Variants in SST observed in about 807,000 individuals in gnomAD.
SST encodes the protein growth hormone release-inhibiting factor.
A neutral mutation model predicts 10.4 loss-of-function variants in SST; 7 were observed. The observed-to-expected ratio is 0.67, with a 90% CI of 0.38 to 1.26. The LOEUF (loss-of-function observed/expected upper bound fraction) is 1.26. SST is among the 50% of genes most tolerant of loss of function. The probability of loss-of-function intolerance (pLI) is 0.02; values close to 1 mark genes in which losing one functional copy is unlikely to be tolerated. For missense variants in SST, 145 were observed against 140.8 expected (o/e 1.03, Z -0.15); for synonymous variants, 63 against 63.9 (o/e 0.99, Z 0.07).
At chr3:187,670,024 G>T (rs1278188585) in intron 1 of SST, 130 bp downstream of exon 1, 14 of 986,720 alleles carry the variant, frequency 1.4e-5, no homozygotes, top group Non-Finnish European at 2.0e-5. Context: ...AGCTTCGGGA[G>T]CTGAGGGACC....
Position 187,669,225 on chromosome 3 carries a change from T to C in SST, c.191A>G (p.Glu64Gly). Residue 64 changes from glutamate (E) to glycine (G), a missense_variant, in exon 2 of 2, where the codon GAG becomes GGG. Physicochemically the swap from Glu to Gly is moderately conservative, Grantham distance 98 (BLOSUM62 -2). Coordinates refer to ENST00000287641, the MANE Select transcript of SST (RefSeq NM_001048.4). ...AELLSEPNQT[E>G]NDALEPEDLS... is the part of the protein sequence containing the mutation. ...ATCTTCAGGTTCCAGGGCATCATTCTCCGTCTGGTTGGGTTCAGACAGCAG... is the reference window on the plus strand; with the variant it reads ...ATCTTCAGGTTCCAGGGCATCATTCCCCGTCTGGTTGGGTTCAGACAGCAG... 6.2e-7 allele frequency: 1 copy of C among 1,613,956 alleles called. No individual in the cohort carries two copies. The highest frequency in any genetic ancestry group is 8.5e-7 in the Non-Finnish European group (1 of 1,180,010).
rs775949412 is a variant in SST, at chr3:187,669,154, T to C, written c.262A>G (p.Arg88Gly). Residue 88 changes from arginine to glycine, a missense_variant, in exon 2 of 2, where the codon AGA becomes GGA. Coordinates refer to ENST00000287641, the MANE Select transcript of SST (RefSeq NM_001048.4). Reference sequence around the variant, plus strand: ...ATAGCCGGGTTTGAGTTAGCAGATCTCTGCAGCTCAAGCCTCATTTCATCC... The same window carrying C: ...ATAGCCGGGTTTGAGTTAGCAGATCCCTGCAGCTCAAGCCTCATTTCATCC... ...EQDEMRLELQRSANSNPAMAP... is the reference protein window; with the variant it reads ...EQDEMRLELQGSANSNPAMAP... The C allele has an allele frequency of 6.2e-7, 1 of 1,613,994 alleles. No individual in the cohort carries two copies. Among genetic ancestry groups the C allele is most frequent in the South Asian group, 1.1e-5 (1 of 91,054 alleles).
rs778436568 is a variant in SST at position 187,670,338 on chromosome 3, G to C, written c.-47C>G. ...CTGGAGAGTGGCTGGTCAAACTCTA[G>C]GCGCGGATCAGCAGGCAGCAGCGAT... On this transcript the variant is annotated 5_prime_UTR_variant, in exon 1 of 2. Transcript: ENST00000287641. 2.1e-5 allele frequency: 33 copies of C among 1,538,800 alleles called. No homozygotes were observed. Among genetic ancestry groups the C allele is most frequent in the Non-Finnish European group, 2.8e-5 (32 of 1,139,942 alleles).
chr3:187,668,984 G>A lies in SST; in HGVS notation c.*81C>T, dbSNP rs559982855. 3.1e-5 allele frequency: 40 copies of A among 1,305,566 alleles called. No individual in the cohort carries two copies. The highest frequency in any genetic ancestry group is 4.1e-5 in the Non-Finnish European group (37 of 903,182). The allele number at this position is 1,305,566 out of a possible 1,614,324, so 80.9% of individuals were successfully genotyped here. A position where few individuals can be genotyped will look rare whatever the true frequency, so the allele number is the denominator to read the frequency against. On this transcript the variant is annotated 3_prime_UTR_variant, in exon 2 of 2. Transcript: ENST00000287641. ...TTTCTAATGCAAGGGTCTCGCTGAA[G>A]ACTTGGAGGATTAGGGAAGAGAGAT...
rs1473327564 is a variant in SST, at chr3:187,670,246, C to A, written c.46G>T (p.Val16Phe). ...CCGGTGACACAGCCCAGGGCCAGGA[C>A]GATGGACAGCGCAGCCAGCGCGCAC... ...LQCALAALSI[V>F]LALGCVTGAP... The change falls in exon 1 of 2, where the codon GTC (valine) becomes TTC (phenylalanine). Residue 16 changes from valine (V) to phenylalanine (F), a missense_variant. Physicochemically the swap from Val to Phe is conservative, Grantham distance 50. Coordinates refer to ENST00000287641, the MANE Select transcript of SST (RefSeq NM_001048.4). The A allele has an allele frequency of 1.3e-6, 2 of 1,594,588 alleles. No individual in the cohort carries two copies. The highest frequency in any genetic ancestry group is 1.8e-5 in the Admixed American group (1 of 56,960).
In SST at chr3:187,670,388, G is replaced by A. The variant is rs1287560942; in HGVS notation, c.-97C>T. On this transcript the variant is annotated 5_prime_UTR_variant, in exon 1 of 2. Transcript: ENST00000287641. Reference sequence around the variant, plus strand: ...TGGCTCCGAACCTCGCTCCTAAAGCGGCTTGTGTGCTCTCAACCGTCTCCC... The same window carrying A: ...TGGCTCCGAACCTCGCTCCTAAAGCAGCTTGTGTGCTCTCAACCGTCTCCC... The A allele has an allele frequency of 1.4e-6, 2 of 1,408,164 alleles. No homozygotes were observed. The highest frequency in any genetic ancestry group is 2.5e-5 in the East Asian group (1 of 39,874). The allele number at this position is 1,408,164 out of a possible 1,614,324, so 87.2% of individuals were successfully genotyped here. A position where few individuals can be genotyped will look rare whatever the true frequency, so the allele number is the denominator to read the frequency against.
At position 187,670,194 on chromosome 3, in the gene SST, T is replaced by C; in HGVS notation, c.98A>G (p.Gln33Arg). ...AGCAGCCAGGGACTTCTGCAGAAAC[T>C]GACGGAGTCTGGGGTCCGAGGGAGC... The part of the protein sequence containing the change: ...TGAPSDPRLR[Q>R]FLQKSLAAAA... Residue 33 changes from glutamine to arginine, a missense_variant, in exon 1 of 2, where the codon CAG becomes CGG. By Grantham distance (43) the Gln-to-Arg change is conservative (BLOSUM62 1). Transcript: ENST00000287641. The C allele has an allele frequency of 6.3e-7, 1 of 1,594,620 alleles. No homozygotes were observed. Among genetic ancestry groups the C allele is most frequent in the Non-Finnish European group, 8.5e-7 (1 of 1,170,754 alleles).
Position 187,670,227 on chromosome 3 carries a change from A to G in SST, c.65T>C (p.Val22Ala), listed in dbSNP as rs1296332370. ...ALSIVLALGC[V>A]TGAPSDPRLR... The stretch of plus-strand genomic sequence containing the variant: ...TCTGGGGTCCGAGGGAGCGCCGGTG[A>G]CACAGCCCAGGGCCAGGACGATGGA... Residue 22 changes from valine to alanine, a missense_variant, in exon 1 of 2, where the codon GTC (valine) becomes GCC (alanine). Physicochemically the swap from Val to Ala is moderately conservative, Grantham distance 64. Transcript: ENST00000287641. 1.3e-6 allele frequency: 2 copies of G among 1,596,344 alleles called. No homozygotes were observed. Among genetic ancestry groups the G allele is most frequent in the African/African-American group, 2.7e-5 (2 of 74,584 alleles).
intron 1 of SST, among the ~76,000 whole-genome samples, chr3:187,669,559 A>C (rs62277781): frequency 0.026 from 3,781 of 145,152 alleles, 51 homozygotes; most frequent in Non-Finnish European, 0.034. Flanking sequence ...CACACGCACA[A>C]ACACACACAC....
intron 1 of SST, 42 bp from the exon 2 acceptor site, chr3:187,669,319 T>C: frequency 1.3e-6 from 2 of 1,576,348 alleles, no homozygotes; most frequent in South Asian, 1.1e-5. Context: ...GAAAGAGAAG[T>C]GGGGAGGACA....
intron 1 of SST, 59 bp downstream of exon 1, chr3:187,670,095 C>G: frequency 6.5e-7 from 1 of 1,534,972 alleles, no homozygotes; most frequent in Non-Finnish European, 8.8e-7. Flanking sequence ...ACCAATGGGG[C>G]AGGAGCAAGG....
In SST at chr3:187,668,931, A is replaced by G. The variant is rs1214092221; in HGVS notation, c.*134T>C. The G allele has an allele frequency of 4.9e-6, 4 of 811,302 alleles. No homozygotes were observed. The highest frequency in any genetic ancestry group is 8.0e-6 in the Non-Finnish European group (4 of 503,112). The allele number at this position is 811,302 out of a possible 1,614,324, so 50.3% of individuals were successfully genotyped here. A position where few individuals can be genotyped will look rare whatever the true frequency, so the allele number is the denominator to read the frequency against. ...TTCACATTTTTCATAATTTCACCATAATTTTATTTTGTATTTACAGTTTTC... is the reference window on the plus strand; with the variant it reads ...TTCACATTTTTCATAATTTCACCATGATTTTATTTTGTATTTACAGTTTTC... On this transcript the variant is annotated 3_prime_UTR_variant, in exon 2 of 2. Transcript: ENST00000287641.
chr3:187,670,279 G>C lies in SST; in HGVS notation c.13C>G (p.Arg5Gly). 6.3e-7 allele frequency: 1 copy of C among 1,587,844 alleles called. No homozygotes were observed. The highest frequency in any genetic ancestry group is 8.6e-7 in the Non-Finnish European group (1 of 1,167,040). The part of the protein sequence containing the change: MLSC[R>G]LQCALAALSI... ...AGCGCAGCCAGCGCGCACTGGAGGC[G>C]GCAGGACAGCATCTCGGCGCCGCGA... The change falls in exon 1 of 2, where the codon CGC (arginine) becomes GGC (glycine). Residue 5 changes from arginine (R) to glycine (G), a missense_variant. Arg to Gly is a moderately radical substitution (Grantham distance 125). Transcript: ENST00000287641.
chr3:187,670,370 G>A lies in SST; in HGVS notation c.-79C>T. 6.8e-7 allele frequency: 1 copy of A among 1,471,888 alleles called. No homozygotes were observed. Among genetic ancestry groups the A allele is most frequent in the South Asian group, 1.3e-5 (1 of 78,178 alleles). 91.2% of individuals were successfully genotyped at this position (1,471,888 alleles called of 1,614,324 possible). On this transcript the variant is annotated 5_prime_UTR_variant, in exon 1 of 2. Transcript: ENST00000287641. ...ATCAGCAGGCAGCAGCGATGGCTCC[G>A]AACCTCGCTCCTAAAGCGGCTTGTG... is the stretch of plus-strand genomic sequence containing the variant.
chr3:187,669,258 A>T lies in SST; in HGVS notation c.158T>A (p.Leu53Ter). 1 of 1,613,946 alleles carries T rather than the reference A, an allele frequency of 6.2e-7. No homozygotes were observed. The highest frequency in any genetic ancestry group is 8.5e-7 in the Non-Finnish European group (1 of 1,180,018). The change falls in exon 2 of 2, where the codon TTG (leucine) becomes TAG (stop). Residue 53 changes from leucine (L) to a stop codon, truncating the protein, a stop_gained. Coordinates refer to ENST00000287641, the MANE Select transcript of SST (RefSeq NM_001048.4). LOFTEE classifies it high-confidence loss of function. ...GTTGGGTTCAGACAGCAGCTCTGCCAAGAAGTACTTGGCCAGTTCCTGTAT... is the reference window on the plus strand; with the variant it reads ...GTTGGGTTCAGACAGCAGCTCTGCCTAGAAGTACTTGGCCAGTTCCTGTAT... ...AGKQELAKYF[L>*]AELLSEPNQT...
chr3:187,669,189 G>A lies in SST; in HGVS notation c.227C>T (p.Ala76Val). 6.2e-7 allele frequency: 1 copy of A among 1,614,048 alleles called. No homozygotes were observed. The highest frequency in any genetic ancestry group is 8.5e-7 in the Non-Finnish European group (1 of 1,180,042). The change falls in exon 2 of 2, where the codon GCT (alanine) becomes GTT (valine). Residue 76 changes from alanine to valine, a missense_variant. Coordinates refer to ENST00000287641, the MANE Select transcript of SST (RefSeq NM_001048.4). ...DALEPEDLSQ[A>V]AEQDEMRLEL... ...AAGCCTCATTTCATCCTGCTCAGCA[G>A]CCTGGGACAGATCTTCAGGTTCCAG...
At position 187,669,041 on chromosome 3, in the gene SST, T is replaced by C. The variant is rs1717174869; in HGVS notation, c.*24A>G. On this transcript the variant is annotated 3_prime_UTR_variant, in exon 2 of 2. Transcript: ENST00000287641. The stretch of plus-strand genomic sequence containing the variant: ...TGGGGGCGAGGGATCAGAGGTCTGA[T>C]ATGGACAATACTAGTTAAGAAAGCT... 2 of 1,612,474 alleles carry C rather than the reference T, an allele frequency of 1.2e-6. No individual in the cohort carries two copies. The highest frequency in any genetic ancestry group is 3.3e-5 in the Admixed American group (2 of 59,978).
chr3:187,670,175 C>T lies in SST; in HGVS notation c.117G>A (p.Leu39=), dbSNP rs1717202880. 1 of 1,592,126 alleles carries T rather than the reference C, an allele frequency of 6.3e-7. No homozygotes were observed. The highest frequency in any genetic ancestry group is 8.6e-7 in the Non-Finnish European group (1 of 1,169,530). ...PRLRQFLQKS[L]AAAAGKQELA... is the part of the protein sequence containing the mutation. Reference sequence around the variant, plus strand: ...TTACCTGCTTCCCCGCGGCAGCAGCCAGGGACTTCTGCAGAAACTGACGGA... The same window carrying T: ...TTACCTGCTTCCCCGCGGCAGCAGCTAGGGACTTCTGCAGAAACTGACGGA... Residue 39 remains leucine, a synonymous_variant, in exon 1 of 2, where the codon CTG becomes CTA. Transcript: ENST00000287641.
At position 187,670,256 on chromosome 3, in the gene SST, C is replaced by G. The variant is rs773864919; in HGVS notation, c.36G>C (p.Ala12=). The G allele has an allele frequency of 6.3e-7, 1 of 1,592,810 alleles. No homozygotes were observed. Among genetic ancestry groups the G allele is most frequent in the Non-Finnish European group, 8.5e-7 (1 of 1,169,732 alleles). ...LSCRLQCALA[A]LSIVLALGCV... The stretch of plus-strand genomic sequence containing the variant: ...AGCCCAGGGCCAGGACGATGGACAG[C>G]GCAGCCAGCGCGCACTGGAGGCGGC... Residue 12 remains alanine (A), a synonymous_variant, in exon 1 of 2, where the codon GCG becomes GCC. Transcript: ENST00000287641.
Sources: allele counts gnomAD v4.1 joint callset (sites outside exome capture counted in the v4.1 genomes callset), GRCh38; gene constraint gnomAD v4.1.1; transcripts MANE v1.5; gene names NCBI Gene and HGNC (gene_info 2026-07-23, HGNC 2026-07-21).